Variants in DLGAP1 observed in about 807,000 individuals in gnomAD.
DLGAP1 encodes the protein disks large-associated protein 1.
A neutral mutation model predicts 90.8 loss-of-function variants in DLGAP1; 11 were observed. The observed-to-expected ratio is 0.12, with a 90% CI of 0.08 to 0.20. DLGAP1 has a LOEUF of 0.20. DLGAP1 is among the 10% of genes least tolerant of loss of function. DLGAP1 has a pLI of 1.00. For missense variants in DLGAP1, 1,050 were observed against 1,333.8 expected, an observed-to-expected ratio of 0.79 and a Z score of 3.31; for synonymous variants, 558 against 540.7, an observed-to-expected ratio of 1.03 and a Z score of -0.44.
chr18:4,204,637 T>C (rs1214846888), intron 1 of DLGAP1, among the ~76,000 whole-genome samples: 1 of 152,166 alleles, frequency 6.6e-6, no homozygotes, highest in Non-Finnish European at 1.5e-5. Flanking sequence ...CCTTGAAAGA[T>C]ATATGGTGTG....
chr18:4,387,668 TAAGTA>T (rs1464605656), intron 1 of DLGAP1, among the ~76,000 whole-genome samples: 1 of 152,098 alleles, frequency 6.6e-6, no homozygotes, highest in Non-Finnish European at 1.5e-5. Flanking sequence ...CTGAGGAAGT[TAAGTA>T]AAGAAAGGCA....
At chr18:3,921,310 GA>G (rs913628677) in intron 3 of DLGAP1, among the ~76,000 whole-genome samples, 7 of 151,838 alleles carry the variant, frequency 4.6e-5, no homozygotes, top group Non-Finnish European at 1.0e-4. Flanking sequence ...ATTTATTTGA[GA>G]AAAAAAATAA....
intron 5 of DLGAP1, among the ~76,000 whole-genome samples, chr18:3,765,958 C>T (rs74621283): frequency 0.019 from 2,868 of 152,034 alleles, 48 homozygotes; most frequent in Middle Eastern, 0.082. Context: ...ACAAAATAAA[C>T]AGAAAACAAA....
intron 7 of DLGAP1, among the ~76,000 whole-genome samples, chr18:3,650,752 A>G (rs2059268108): frequency 6.6e-6 from 1 of 152,238 alleles, no homozygotes. Flanking sequence ...TATCTGACTA[A>G]CATTTTGATT....
intron 3 of DLGAP1, among the ~76,000 whole-genome samples, chr18:3,927,488 A>G (rs1162390591): frequency 1.3e-5 from 2 of 152,226 alleles, no homozygotes; most frequent in Non-Finnish European, 2.9e-5. Flanking sequence ...TTGTGTCAAT[A>G]TCAAAATCAT....
intron 8 of DLGAP1, chr18:3,571,497 A>C (rs1436906126): frequency 6.6e-6 from 1 of 152,024 alleles, no homozygotes; most frequent in Non-Finnish European, 1.5e-5. Flanking sequence ...ACAGGTGTGC[A>C]TGACCATGCA....
chr18:4,230,420 G>A (rs2078277092), intron 1 of DLGAP1, among the ~76,000 whole-genome samples: 1 of 152,060 alleles, frequency 6.6e-6, no homozygotes, highest in Non-Finnish European at 1.5e-5. Flanking sequence ...TGAAGAAAAT[G>A]TGGTATATAA....
chr18:3,594,352 C>T (rs2145605558), intron 7 of DLGAP1: 1 of 134,534 alleles, frequency 7.4e-6, no homozygotes, highest in East Asian at 2.5e-4. Flanking sequence ...CCCCCTCCCT[C>T]CCTCCCTCCC....
intron 10 of DLGAP1, among the ~76,000 whole-genome samples, chr18:3,523,648 C>A (rs570191790): frequency 2.0e-5 from 3 of 151,888 alleles, no homozygotes; most frequent in South Asian, 2.1e-4. Context: ...GAGATCGAGA[C>A]CATCCTGGCT....
At chr18:3,715,129 C>A (rs1421788714) in intron 7 of DLGAP1, among the ~76,000 whole-genome samples, 1 of 152,196 alleles carries the variant, frequency 6.6e-6, no homozygotes, top group East Asian at 1.9e-4. Context: ...GTTCTCATTC[C>A]TGCCACATTC....
At chr18:4,336,381 A>G (rs1228758191) in intron 1 of DLGAP1, among the ~76,000 whole-genome samples, 1 of 152,216 alleles carries the variant, frequency 6.6e-6, no homozygotes, top group Non-Finnish European at 1.5e-5. Context: ...TGTGCTGACC[A>G]CATACAACTG....
rs930929473 is a variant in DLGAP1 at position 4,330,505 on chromosome 18, CA to C, written c.-267+124500del. Among the ~76,000 whole-genome samples, 3 of 151,656 alleles carry C rather than the reference CA, an allele frequency of 2.0e-5. 1 individual carries two copies. The highest frequency in any genetic ancestry group is 7.3e-5 in the African/African-American group (3 of 41,126). ...TCTTTTCTAATATAAGCAATTAGTGCAAAAATATTTCTCTAATTATTGTTTA... is the reference window on the plus strand; with the variant it reads ...TCTTTTCTAATATAAGCAATTAGTGCAAAATATTTCTCTAATTATTGTTTA... On this transcript the variant is annotated intron_variant, in intron 1 of 12. Coordinates refer to ENST00000315677, the MANE Select transcript of DLGAP1 (RefSeq NM_004746.4).
chr18:4,088,411 C>A (rs144619008), intron 2 of DLGAP1, among the ~76,000 whole-genome samples: 28 of 147,418 alleles, frequency 1.9e-4, no homozygotes, highest in African/African-American at 6.5e-4. Context: ...TTTTTATTTA[C>A]CCTCACATAA....
chr18:3,757,905 G>A (rs2063783072), intron 5 of DLGAP1, among the ~76,000 whole-genome samples: 1 of 152,090 alleles, frequency 6.6e-6, no homozygotes, highest in South Asian at 2.1e-4. Flanking sequence ...CATGAGGTCA[G>A]AAATTCAAGA....
At chr18:3,512,022 G>T (rs1038620567) in intron 10 of DLGAP1, among the ~76,000 whole-genome samples, 1 of 151,254 alleles carries the variant, frequency 6.6e-6, no homozygotes, top group South Asian at 2.1e-4. Flanking sequence ...GGGTTTTAAA[G>T]CTCTATGGGT....
intron 4 of DLGAP1, among the ~76,000 whole-genome samples, chr18:3,847,627 C>T (rs575397274): frequency 1.1e-4 from 17 of 152,158 alleles, no homozygotes; most frequent in Non-Finnish European, 7.4e-5. Flanking sequence ...GATCACCAAA[C>T]GTAATTATAG....
intron 1 of DLGAP1, among the ~76,000 whole-genome samples, chr18:4,357,119 T>C (rs1320977745): frequency 1.3e-5 from 2 of 150,576 alleles, no homozygotes; most frequent in Non-Finnish European, 3.0e-5. Flanking sequence ...GTGTACGATA[T>C]ACCATTTCTT....
intron 1 of DLGAP1, among the ~76,000 whole-genome samples, chr18:4,235,749 G>A (rs1851249): frequency 0.092 from 9,965 of 108,442 alleles, 1,030 homozygotes; most frequent in African/African-American, 0.26. Context: ...TTTTTGAGAC[G>A]GAGTCTCACT....
intron 2 of DLGAP1, among the ~76,000 whole-genome samples, chr18:4,048,370 T>C (rs1401427219): frequency 2.0e-5 from 3 of 152,206 alleles, no homozygotes; most frequent in African/African-American, 7.2e-5. Context: ...ATTTTGCCTT[T>C]TATCCTTATC....
Sources: allele counts gnomAD v4.1 joint callset (sites outside exome capture counted in the v4.1 genomes callset), GRCh38; gene constraint gnomAD v4.1.1; transcripts MANE v1.5; gene names NCBI Gene and HGNC (gene_info 2026-07-23, HGNC 2026-07-21).